The following PGAP2 variants were observed in gnomAD, a reference collection of about 807,000 sequenced individuals.
The protein encoded by PGAP2 is acyltransferase PGAP2.
In PGAP2, 21 loss-of-function variants were observed where a neutral mutation model predicts 33.2. That is an observed-to-expected ratio of 0.63 (90% CI 0.45 to 0.91). PGAP2 has a LOEUF of 0.91. Ranked by LOEUF, PGAP2 falls within the 40% of genes least tolerant of loss-of-function variation. The pLI is 0.00. For synonymous variants in PGAP2, 161 were observed against 172.9 expected (o/e 0.93, Z 0.54); for missense variants, 345 against 424.0 (o/e 0.81, Z 1.64).
At chr11:3,807,600 G>A (rs968133097), upstream of PGAP2, among the ~76,000 whole-genome samples, 2 of 152,032 alleles carry the variant, frequency 1.3e-5, no homozygotes, top group Non-Finnish European at 2.9e-5. Context: ...GAGCTACCGC[G>A]CCTGGCCCTC....
intron 1 of PGAP2, among the ~76,000 whole-genome samples, chr11:3,803,317 C>T (rs11029834): frequency 0.69 from 99,596 of 145,070 alleles, 34,265 homozygotes; most frequent in East Asian, 0.81. Flanking sequence ...TTAGTAGAGA[C>T]GGGGTTTCAC....
intron 1 of PGAP2, among the ~76,000 whole-genome samples, chr11:3,801,641 CA>C (rs772606488): frequency 0.14 from 10,717 of 76,542 alleles, 598 homozygotes; most frequent in Middle Eastern, 0.27. Context: ...GACTCCATCT[CA>C]AAAAAAAAAA....
chr11:3,801,919 T>C (rs2083511689), intron 1 of PGAP2, among the ~76,000 whole-genome samples: 1 of 152,090 alleles, frequency 6.6e-6, no homozygotes, highest in Non-Finnish European at 1.5e-5. Context: ...TACTCCAGCC[T>C]CAGCCTGTGT....
intron 2 of PGAP2, among the ~76,000 whole-genome samples, chr11:3,814,803 T>TC (rs1758037591): frequency 8.6e-6 from 1 of 115,856 alleles, no homozygotes; most frequent in East Asian, 2.9e-4. Context: ...TTTCTTTCTT[T>TC]CTTTCTTTCT....
At chr11:3,807,419 T>C (rs1432453608), upstream of PGAP2, among the ~76,000 whole-genome samples, 1 of 148,460 alleles carries the variant, frequency 6.7e-6, no homozygotes, top group Non-Finnish European at 1.5e-5. Context: ...GCGATTCTCC[T>C]GCCTCAGCCT....
chr11:3,805,713 G>A (rs1044855912), upstream of PGAP2, among the ~76,000 whole-genome samples: 1 of 150,688 alleles, frequency 6.6e-6, no homozygotes, highest in African/African-American at 2.4e-5. Context: ...TTTGAGACAC[G>A]GTCTTGCTCT....
rs746736798 is a variant in PGAP2, at chr11:3,823,024, C to CTTTTTTTTTT, written c.349-838_349-829dup. ...GAGCACCCACTTTCTTTTTTCTTTTCTTTTTTTTTTTTTTTTTTTTTTTTT... is the reference window on the plus strand; with the variant it reads ...GAGCACCCACTTTCTTTTTTCTTTTCTTTTTTTTTTTTTTTTTTTTTTTTTTTTTTTTTTT... On this transcript the variant is annotated intron_variant, in intron 3 of 6. Coordinates refer to ENST00000278243, the MANE Select transcript of PGAP2 (RefSeq NM_014489.4). The CTTTTTTTTTT allele has an allele frequency of 1.5e-3, 453 of 307,604 alleles. 1 individual carries two copies. The highest frequency in any genetic ancestry group is 3.5e-3 in the South Asian group (100 of 28,910). 19.1% of individuals were successfully genotyped at this position (307,604 alleles called of 1,614,324 possible).
intron 1 of PGAP2, among the ~76,000 whole-genome samples, chr11:3,798,634 A>ACTTT (rs1172054010): frequency 0.22 from 16,710 of 75,086 alleles, 1,194 homozygotes; most frequent in Middle Eastern, 0.37. Context: ...CCCATGAACT[A>ACTTT]ATTTTTTTTT....
chr11:3,825,507 A>G lies in PGAP2; in HGVS notation c.*49A>G. On this transcript the variant is annotated 3_prime_UTR_variant, in exon 7 of 7. Transcript: ENST00000278243. ...ACGCAGCCCACTGCCCAGAAACAAG[A>G]AACACGATACCATTCTGGCCTTCCC... The G allele has an allele frequency of 6.3e-7, 1 of 1,588,282 alleles. No individual in the cohort carries two copies. Among genetic ancestry groups the G allele is most frequent in the Non-Finnish European group, 8.6e-7 (1 of 1,165,678 alleles).
At chr11:3,814,792 CTT>C (rs760495934) in intron 2 of PGAP2, among the ~76,000 whole-genome samples, 4 of 109,650 alleles carry the variant, frequency 3.6e-5, no homozygotes, top group African/African-American at 5.6e-5. Context: ...TTCTTTCTTT[CTT>C]TCTTTCTTTC....
intron 3 of PGAP2, among the ~76,000 whole-genome samples, chr11:3,822,296 G>A (rs1297208207): frequency 9.9e-5 from 15 of 151,532 alleles, no homozygotes; most frequent in Non-Finnish European, 1.6e-4. Context: ...CCCGGGAGGC[G>A]GAGCTTGCAG....
Position 3,817,548 on chromosome 11 carries a change from T to A in PGAP2, c.348+13T>A. 6.2e-7 allele frequency: 1 copy of A among 1,611,904 alleles called. No homozygotes were observed. The highest frequency in any genetic ancestry group is 8.5e-7 in the Non-Finnish European group (1 of 1,178,052). On this transcript the variant is annotated intron_variant, in intron 3 of 6. Transcript: ENST00000278243. ...CACTGACTGTGGGGTGAGTGCCAGC[T>A]CCCCAGCCCCTGGGTCAGGGCCAGG...
At position 3,825,309 on chromosome 11, in the gene PGAP2, C is replaced by A; in HGVS notation, c.818-19C>A. ...AGCTGGAAGTTCACCATGTCCTGTT[C>A]CTTGTGTCCTCACAACAGTGTACAC... On this transcript the variant is annotated intron_variant, in intron 6 of 6. Transcript: ENST00000278243. 6.2e-7 allele frequency: 1 copy of A among 1,610,372 alleles called. No homozygotes were observed. Among genetic ancestry groups the A allele is most frequent in the South Asian group, 1.1e-5 (1 of 90,614 alleles).
At chr11:3,825,170 C>T (rs369259025) in intron 6 of PGAP2, 42 bp downstream of exon 6, 52 of 1,595,130 alleles carry the variant, frequency 3.3e-5, no homozygotes, top group African/African-American at 2.5e-4. Flanking sequence ...TGAGTGGCTG[C>T]GGGGCAGCAA....
At position 3,825,639 on chromosome 11, in the gene PGAP2, A is replaced by G. The variant is rs1399598327; in HGVS notation, c.*181A>G. 2.0e-5 allele frequency: 11 copies of G among 550,514 alleles called. No homozygotes were observed. Among genetic ancestry groups the G allele is most frequent in the Admixed American group, 3.5e-5 (1 of 28,802 alleles). 34.1% of individuals were successfully genotyped at this position (550,514 alleles called of 1,614,324 possible). On this transcript the variant is annotated 3_prime_UTR_variant, in exon 7 of 7. Transcript: ENST00000278243. ...TGCTGGCTTCTCCTCTCCACCCCTC[A>G]TATGGGCGTGGGGTCCTCAAACATC...
chr11:3,817,995 G>T, intron 3 of PGAP2: 1 of 387,180 alleles, frequency 2.6e-6, no homozygotes, highest in South Asian at 1.9e-5. Context: ...TCAGTGAGCT[G>T]AGTTCACACC....
In PGAP2 at chr11:3,823,061, G is replaced by A. The variant is rs997463839; in HGVS notation, c.349-822G>A. On this transcript the variant is annotated intron_variant, in intron 3 of 6. Transcript: ENST00000278243. ...TTTTTTTTTTTTTTTTTTTGAGACA[G>A]AGTCTCACTCTGTTGCCCAAGCTGG... The A allele has an allele frequency of 4.1e-5, 21 of 515,334 alleles. No homozygotes were observed. The East Asian group carries it at 6.9e-4, about 17-fold the overall frequency. The allele number at this position is 515,334 out of a possible 1,614,324, so 31.9% of individuals were successfully genotyped here.
At position 3,811,200 on chromosome 11, in the gene PGAP2, G is replaced by C; in HGVS notation, c.-10-50G>C. 6.4e-7 allele frequency: 1 copy of C among 1,555,068 alleles called. No homozygotes were observed. Among genetic ancestry groups the C allele is most frequent in the Non-Finnish European group, 8.8e-7 (1 of 1,140,784 alleles). On this transcript the variant is annotated intron_variant, in intron 1 of 6. Coordinates refer to ENST00000278243, the MANE Select transcript of PGAP2 (RefSeq NM_014489.4). The surrounding 1 kb of genome is among the most constrained non-coding windows in gnomAD (Gnocchi z 4.6). Reference sequence around the variant, plus strand: ...GCACAAGGGCTGACTTTATCACTGAGTGCCAGCCTGGCTGCCTGGGGCCCT... The same window carrying C: ...GCACAAGGGCTGACTTTATCACTGACTGCCAGCCTGGCTGCCTGGGGCCCT...
upstream of PGAP2, among the ~76,000 whole-genome samples, chr11:3,807,605 G>A (rs1004190129): frequency 6.6e-6 from 1 of 152,060 alleles, no homozygotes; most frequent in Non-Finnish European, 1.5e-5. Context: ...ACCGCGCCTG[G>A]CCCTCACAGG....
Sources: gnomAD v4.1 joint callset for allele counts (sites outside exome capture counted in the v4.1 genomes callset) on GRCh38, gnomAD v4.1.1 for gene constraint, Gnocchi (gnomAD v3.1) non-coding constraint, MANE v1.5 for transcripts, NCBI Gene and HGNC (gene_info 2026-07-23, HGNC 2026-07-21) for gene names.